SEPHS1: variants seen among roughly 807,000 people sequenced by gnomAD.
SEPHS1 encodes selenophosphate synthetase 1, also known as zincore component SEPHS1.
A neutral mutation model predicts 39.2 loss-of-function variants in SEPHS1; 7 were observed. The observed-to-expected ratio is 0.18, with a 90% CI of 0.10 to 0.34. SEPHS1 has a LOEUF of 0.34. Among genes scored for constraint, SEPHS1 ranks in the 10% least tolerant of loss-of-function variants. The pLI is 1.00. For synonymous variants in SEPHS1, 190 were observed against 195.5 expected (o/e 0.97, Z 0.23); for missense variants, 253 against 514.5 (o/e 0.49, Z 4.92).
chr10:13,335,832 T>C (rs1395194993), intron 4 of SEPHS1, among the ~76,000 whole-genome samples: 15 of 150,156 alleles, frequency 1.0e-4, no homozygotes, highest in African/African-American at 3.2e-4. Flanking sequence ...ATACACAAAA[T>C]AGCCAGGTGT....
At chr10:13,337,646 C>T (rs1207252477) in intron 3 of SEPHS1, among the ~76,000 whole-genome samples, 3 of 152,134 alleles carry the variant, frequency 2.0e-5, no homozygotes, top group Non-Finnish European at 2.9e-5. Flanking sequence ...ACAAGCCAAT[C>T]GCTAGTTAGG....
chr10:13,319,105 A>T lies in SEPHS1; in HGVS notation c.*37T>A. 1 of 1,588,950 alleles carries T rather than the reference A, an allele frequency of 6.3e-7. No homozygotes were observed. Among genetic ancestry groups the T allele is most frequent in the South Asian group, 1.1e-5 (1 of 89,414 alleles). On this transcript the variant is annotated 3_prime_UTR_variant, in exon 9 of 9. Coordinates refer to ENST00000327347, the MANE Select transcript of SEPHS1 (RefSeq NM_012247.5). ...TTGAAGTGATAAGGGAAATAGATCT[A>T]TTTAAAAACAAAACCAAACAGCTAT...
chr10:13,339,403 G>T (rs143125700), intron 2 of SEPHS1, among the ~76,000 whole-genome samples: 2 of 152,000 alleles, frequency 1.3e-5, no homozygotes, highest in East Asian at 3.8e-4. Flanking sequence ...AAACACTCTG[G>T]CATCTATGTC....
At chr10:13,340,552 C>G (rs1833753154) in intron 2 of SEPHS1, 1 of 152,210 alleles carries the variant, frequency 6.6e-6, no homozygotes, top group Non-Finnish European at 1.5e-5. Context: ...TTATTATTCA[C>G]TTTGGAAAAC....
chr10:13,336,138 T>A, intron 4 of SEPHS1, 105 bp downstream of exon 4: 1 of 698,092 alleles, frequency 1.4e-6, no homozygotes, highest in East Asian at 2.6e-5. Flanking sequence ...GGGAGCCATA[T>A]GGCCTGGGCT....
At chr10:13,335,273 C>T (rs1833591548) in intron 4 of SEPHS1, among the ~76,000 whole-genome samples, 1 of 152,242 alleles carries the variant, frequency 6.6e-6, no homozygotes, top group African/African-American at 2.4e-5. Flanking sequence ...TCCCCAGCCA[C>T]AGCAGAGGGA....
chr10:13,347,844 G>A (rs1411446751), intron 1 of SEPHS1, among the ~76,000 whole-genome samples, 156 bp downstream of exon 1: 2 of 143,100 alleles, frequency 1.4e-5, no homozygotes, highest in East Asian at 2.1e-4. Context: ...GCCCGGCGCT[G>A]CCCCTCTCCA....
At chr10:13,337,917 T>C (rs3802582) in intron 3 of SEPHS1, among the ~76,000 whole-genome samples, 5,326 of 152,252 alleles carry the variant, frequency 0.035, 135 homozygotes, top group East Asian at 0.083. Flanking sequence ...CATGATAAAG[T>C]CCCTACAGTG....
At chr10:13,321,529 C>T (rs972827072) in intron 8 of SEPHS1, among the ~76,000 whole-genome samples, 3 of 151,942 alleles carry the variant, frequency 2.0e-5, no homozygotes, top group African/African-American at 7.3e-5. Flanking sequence ...CAGGCCTGGC[C>T]GGCATGTGTA....
intron 6 of SEPHS1, among the ~76,000 whole-genome samples, 200 bp downstream of exon 6, chr10:13,329,498 T>C (rs1197043806): frequency 6.6e-6 from 1 of 152,202 alleles, no homozygotes; most frequent in Non-Finnish European, 1.5e-5. Flanking sequence ...AAGCTGGGGC[T>C]TACCTACTGC....
chr10:13,333,405 T>G (rs1460810474), intron 5 of SEPHS1, among the ~76,000 whole-genome samples: 1 of 150,296 alleles, frequency 6.7e-6, no homozygotes, highest in South Asian at 2.1e-4. Flanking sequence ...AGCGCTGGGA[T>G]TACAGGCATG....
At chr10:13,330,762 A>G (rs1027673488) in intron 5 of SEPHS1, among the ~76,000 whole-genome samples, 1 of 152,192 alleles carries the variant, frequency 6.6e-6, no homozygotes, top group Non-Finnish European at 1.5e-5. Context: ...TTGTTTTCCA[A>G]AAACCAGACC....
At position 13,330,303 on chromosome 10, in the gene SEPHS1, G is replaced by A. The variant is rs573407282; in HGVS notation, c.561-515C>T. On this transcript the variant is annotated intron_variant, in intron 5 of 8. Transcript: ENST00000327347. ...GCTAGAGACTCAGGACGGATTTTTC[G>A]GCCCAGGGGTTTGGTGGATTTGCAG... 3.9e-5 allele frequency among the ~76,000 whole-genome samples: 6 copies of A among 151,928 alleles called. No homozygotes were observed. In the East Asian group the frequency reaches 9.7e-4, roughly 24 times the overall value.
intron 2 of SEPHS1, 66 bp from the exon 3 acceptor site, chr10:13,338,874 A>G: frequency 8.6e-7 from 1 of 1,156,160 alleles, no homozygotes; most frequent in South Asian, 1.2e-5. Flanking sequence ...TTATATCACC[A>G]GTGCTCTGAA....
At chr10:13,335,808 C>T (rs564342131) in intron 4 of SEPHS1, among the ~76,000 whole-genome samples, 6 of 151,604 alleles carry the variant, frequency 4.0e-5, no homozygotes, top group African/African-American at 9.7e-5. Context: ...GATAAAACCC[C>T]GTCTCTAATA....
At position 13,346,861 on chromosome 10, in the gene SEPHS1, A is replaced by G. The variant is rs537405199; in HGVS notation, c.-79+1139T>C. Among the ~76,000 whole-genome samples, 7 of 152,326 alleles carry G rather than the reference A, an allele frequency of 4.6e-5. No homozygotes were observed. The South Asian group carries it at 1.2e-3, about 27-fold the overall frequency. On this transcript the variant is annotated intron_variant, in intron 1 of 8. Coordinates refer to ENST00000327347, the MANE Select transcript of SEPHS1 (RefSeq NM_012247.5). ...TTCCTTTTAAATTACTATCTTCTCA[A>G]GAGTTTTAAGGGTGGAAAAAAGTTT... is the stretch of plus-strand genomic sequence containing the variant.
intron 2 of SEPHS1, among the ~76,000 whole-genome samples, chr10:13,343,595 C>G (rs1046892913): frequency 6.6e-6 from 1 of 152,126 alleles, no homozygotes; most frequent in African/African-American, 2.4e-5. Context: ...AGGCAGATCA[C>G]CTGAGGTCAG....
chr10:13,341,566 A>C (rs1833786315), intron 2 of SEPHS1, among the ~76,000 whole-genome samples: 1 of 152,152 alleles, frequency 6.6e-6, no homozygotes, highest in African/African-American at 2.4e-5. Context: ...GGATACATTT[A>C]GTAATCGTGT....
chr10:13,329,230 A>G (rs2131702597), intron 6 of SEPHS1, among the ~76,000 whole-genome samples: 1 of 152,368 alleles, frequency 6.6e-6, no homozygotes, highest in South Asian at 2.1e-4. Flanking sequence ...AGAATTATTT[A>G]TCAAAATGTT....
Sources: allele counts gnomAD v4.1 joint callset (sites outside exome capture counted in the v4.1 genomes callset), GRCh38; gene constraint gnomAD v4.1.1; transcripts MANE v1.5; gene names NCBI Gene and HGNC (gene_info 2026-07-23, HGNC 2026-07-21).